Variants in AFG2A observed in about 807,000 individuals in gnomAD.
AFG2A encodes ATPase family gene 2 protein homolog A.
the AFG2A span, among the ~76,000 whole-genome samples, chr4:123,238,916 T>C: frequency 1.5e-3 from 227 of 152,188 alleles, no homozygotes; most frequent in Middle Eastern, 0.014. Flanking sequence ...TCTAACCCAT[T>C]GCGAGGAAGC....
At chr4:123,228,080 C>T in the AFG2A span, among the ~76,000 whole-genome samples, 1 of 152,242 alleles carries the variant, frequency 6.6e-6, no homozygotes, top group South Asian at 2.1e-4. Context: ...CTTCCTCCAT[C>T]ACTTTGTTTT....
At chr4:122,940,643 C>A in the AFG2A span, among the ~76,000 whole-genome samples, 1 of 152,148 alleles carries the variant, frequency 6.6e-6, no homozygotes, top group Admixed American at 6.5e-5. Flanking sequence ...TTAATTAGAT[C>A]CCATTTGTCA....
chr4:123,050,846 G>A, the AFG2A span, among the ~76,000 whole-genome samples: 2 of 151,704 alleles, frequency 1.3e-5, no homozygotes, highest in Non-Finnish European at 2.9e-5. Flanking sequence ...CTGGGTTTAA[G>A]CGATTCTCCT....
the AFG2A span, among the ~76,000 whole-genome samples, chr4:122,950,253 G>A: frequency 6.6e-6 from 1 of 152,180 alleles, no homozygotes; most frequent in South Asian, 2.1e-4. Flanking sequence ...AGGGTTGTAC[G>A]GCAGGTGAAA....
chr4:123,093,427 C>G, the AFG2A span, among the ~76,000 whole-genome samples: 13 of 152,324 alleles, frequency 8.5e-5, no homozygotes, highest in Admixed American at 5.2e-4. Flanking sequence ...TGACATTTGT[C>G]AACTGCCATG....
At chr4:123,251,667 T>G in the AFG2A span, among the ~76,000 whole-genome samples, 708 of 152,248 alleles carry the variant, frequency 4.7e-3, 5 homozygotes, top group Non-Finnish European at 7.7e-3. Flanking sequence ...ACATTTTCAA[T>G]TTTTTAAATA....
the AFG2A span, among the ~76,000 whole-genome samples, chr4:123,115,746 C>T: frequency 2.6e-4 from 39 of 152,202 alleles, no homozygotes; most frequent in African/African-American, 9.4e-4. Flanking sequence ...CAGCCGGTCC[C>T]GGCTGCCAAA....
the AFG2A span, among the ~76,000 whole-genome samples, chr4:123,265,717 G>A: frequency 5.9e-5 from 9 of 152,166 alleles, no homozygotes; most frequent in South Asian, 2.1e-4. Context: ...CCTTTTTATA[G>A]GGAAGAAGTA....
chr4:123,134,408 CTA>C, the AFG2A span, among the ~76,000 whole-genome samples: 1 of 152,124 alleles, frequency 6.6e-6, no homozygotes, highest in African/African-American at 2.4e-5. Context: ...AATCAATTGA[CTA>C]TAGACATGTG....
the AFG2A span, among the ~76,000 whole-genome samples, chr4:123,203,009 C>G: frequency 1.7e-5 from 2 of 120,704 alleles, no homozygotes; most frequent in African/African-American, 5.3e-5. Context: ...GATGACAGAG[C>G]GAGACTCCAT....
At chr4:122,924,662 A>T in the AFG2A span, among the ~76,000 whole-genome samples, 4 of 152,054 alleles carry the variant, frequency 2.6e-5, no homozygotes, top group Non-Finnish European at 5.9e-5. Flanking sequence ...TGGCAAGTTC[A>T]TCCAGTGCCC....
the AFG2A span, among the ~76,000 whole-genome samples, chr4:123,079,192 T>C: frequency 5.3e-5 from 8 of 152,218 alleles, no homozygotes; most frequent in South Asian, 2.1e-4. Context: ...TTATACATTC[T>C]AATGAAATTA....
At chr4:122,929,133 G>A in the AFG2A span, 3 of 1,613,370 alleles carry the variant, frequency 1.9e-6, no homozygotes, top group South Asian at 1.1e-5. Context: ...GCCTGGTGAT[G>A]CCATCCAGGT....
chr4:123,094,385 G>A, the AFG2A span, among the ~76,000 whole-genome samples: 5 of 152,054 alleles, frequency 3.3e-5, no homozygotes, highest in South Asian at 2.1e-4. Context: ...TCCTTTGGCC[G>A]GGGAACGTGT....
chr4:123,036,328 A>G, the AFG2A span, among the ~76,000 whole-genome samples: 2 of 152,160 alleles, frequency 1.3e-5, no homozygotes, highest in African/African-American at 4.8e-5. Flanking sequence ...ACTGTCAATG[A>G]CTGGCAGATG....
the AFG2A span, among the ~76,000 whole-genome samples, chr4:123,273,704 C>T: frequency 6.6e-6 from 1 of 152,136 alleles, no homozygotes; most frequent in Non-Finnish European, 1.5e-5. Flanking sequence ...TGCAGTAAAA[C>T]ATTGTTTCAT....
chr4:123,242,605 G>A, the AFG2A span, among the ~76,000 whole-genome samples: 5 of 152,154 alleles, frequency 3.3e-5, no homozygotes, highest in Non-Finnish European at 7.3e-5. Context: ...AATTCAAGAT[G>A]TATTAAAGAC....
At chr4:123,200,121 T>C in the AFG2A span, among the ~76,000 whole-genome samples, 1 of 152,222 alleles carries the variant, frequency 6.6e-6, no homozygotes, top group Non-Finnish European at 1.5e-5. Context: ...TTTTTTTCTC[T>C]GTTCCAAATT....
the AFG2A span, among the ~76,000 whole-genome samples, chr4:123,013,778 A>T: frequency 6.6e-6 from 1 of 152,184 alleles, no homozygotes; most frequent in Non-Finnish European, 1.5e-5. Flanking sequence ...TACTTGTAAG[A>T]TAATACAAGA....
Sources: allele counts gnomAD v4.1 joint callset (sites outside exome capture counted in the v4.1 genomes callset), GRCh38; gene constraint gnomAD v4.1.1; transcripts MANE v1.5; gene names NCBI Gene and HGNC (gene_info 2026-07-23, HGNC 2026-07-21).